The following JPH2 variants were observed in gnomAD, a reference collection of about 807,000 sequenced individuals.
The protein encoded by JPH2 is junctophilin 2.
Under a neutral mutation model 55.9 loss-of-function variants are expected in JPH2, and 38 were observed. The observed-to-expected ratio is 0.68, with a 90% CI of 0.52 to 0.89. JPH2 has a LOEUF of 0.89. Ranked by LOEUF, JPH2 falls within the 40% of genes least tolerant of loss-of-function variation. The probability of loss-of-function intolerance (pLI) is 0.00; values close to 1 mark genes in which losing one functional copy is unlikely to be tolerated. For synonymous variants in JPH2, 480 were observed against 472.4 expected, an observed-to-expected ratio of 1.02 and a Z score of -0.21; for missense variants, 964 against 1,037.6, an observed-to-expected ratio of 0.93 and a Z score of 0.97.
intron 2 of JPH2, among the ~76,000 whole-genome samples, chr20:44,130,867 A>AT (rs1198486590): frequency 6.6e-6 from 1 of 152,060 alleles, no homozygotes; most frequent in African/African-American, 2.4e-5. Flanking sequence ...GTACACACCT[A>AT]TTTTTTATCA....
intron 1 of JPH2, among the ~76,000 whole-genome samples, chr20:44,167,559 G>T (rs2072665897): frequency 1.3e-5 from 2 of 152,112 alleles, no homozygotes; most frequent in Admixed American, 1.3e-4. Context: ...GTAAAATGCT[G>T]GTGAAGGCCA....
chr20:44,172,670 G>C (rs1167449912), intron 1 of JPH2, among the ~76,000 whole-genome samples: 1 of 152,020 alleles, frequency 6.6e-6, no homozygotes, highest in Non-Finnish European at 1.5e-5. Flanking sequence ...TTTATTTTTT[G>C]TAGAGATGTG....
intron 2 of JPH2, among the ~76,000 whole-genome samples, chr20:44,127,982 T>C (rs1049102478): frequency 6.6e-6 from 1 of 152,156 alleles, no homozygotes; most frequent in East Asian, 1.9e-4. Flanking sequence ...CTTCTTATTA[T>C]TGAGTTGTAA....
chr20:44,118,740 A>G, intron 2 of JPH2, 117 bp from the exon 3 acceptor site: 1 of 826,246 alleles, frequency 1.2e-6, no homozygotes, highest in Non-Finnish European at 2.1e-6. Context: ...GCAGGCAGTC[A>G]ATGAATATTT....
At chr20:44,184,441 G>A (rs1437148231) in intron 1 of JPH2, among the ~76,000 whole-genome samples, 1 of 152,146 alleles carries the variant, frequency 6.6e-6, no homozygotes, top group Admixed American at 6.5e-5. Context: ...ACTTGTGAAA[G>A]CAGTGTTTGG....
At position 44,159,480 on chromosome 20, in the gene JPH2, C is replaced by T; in HGVS notation, c.1169+138G>A. 1 of 863,264 alleles carries T rather than the reference C, an allele frequency of 1.2e-6. No homozygotes were observed. The highest frequency in any genetic ancestry group is 1.6e-5 in the South Asian group (1 of 62,022). 53.5% of individuals were successfully genotyped at this position (863,264 alleles called of 1,614,324 possible). ...ACAGGAGCCACCAGCTCCCGAAGAG[C>T]CTCCAATTAACCCCTGAAGGTGATG... On this transcript the variant is annotated intron_variant, in intron 2 of 5. Coordinates refer to ENST00000372980, the MANE Select transcript of JPH2 (RefSeq NM_020433.5). This position sits in a 1 kb window ranked among gnomAD's most constrained non-coding sequence, Gnocchi z 5.7.
In JPH2 at chr20:44,126,811, C is replaced by T. The variant is rs58823113; in HGVS notation, c.1170-8188G>A. 1.4e-3 allele frequency among the ~76,000 whole-genome samples: 210 copies of T among 152,324 alleles called. 1 individual carries two copies. Among genetic ancestry groups the T allele is most frequent in the African/African-American group, 5.0e-3 (206 of 41,568 alleles). The stretch of plus-strand genomic sequence containing the variant: ...CAGGCAGTGCCCTCCTGGGAAGCCC[C>T]TCACAAGACAGGTTAAGGGCACAAA... On this transcript the variant is annotated intron_variant, in intron 2 of 5. Transcript: ENST00000372980.
intron 1 of JPH2, chr20:44,177,491 G>A (rs985927461): frequency 4.1e-5 from 42 of 1,020,762 alleles, no homozygotes; most frequent in Non-Finnish European, 4.7e-5. Context: ...GGACAGGAAA[G>A]ACTAATACGG....
intron 2 of JPH2, among the ~76,000 whole-genome samples, chr20:44,145,603 CAAA>C (rs200580349): frequency 1.7e-5 from 2 of 118,004 alleles, no homozygotes; most frequent in African/African-American, 3.1e-5. Context: ...AACTCGATCT[CAAA>C]AAAAAAAAAA....
rs117992343 is a variant in JPH2, at chr20:44,162,083, C to T, written c.380-1676G>A. On this transcript the variant is annotated intron_variant, in intron 1 of 5. Coordinates refer to ENST00000372980, the MANE Select transcript of JPH2 (RefSeq NM_020433.5). ...GTCTTTGTACCTCCACCATGTAGAA[C>T]GGTACCTGATACATAACGTTCACTG... is the stretch of plus-strand genomic sequence containing the variant. 3.2e-4 allele frequency among the ~76,000 whole-genome samples: 49 copies of T among 152,312 alleles called. 1 individual carries two copies. The East Asian group carries it at 5.2e-3, about 16-fold the overall frequency.
chr20:44,117,840 C>A (rs2072205713), intron 3 of JPH2, among the ~76,000 whole-genome samples: 1 of 152,220 alleles, frequency 6.6e-6, no homozygotes, highest in African/African-American at 2.4e-5. Context: ...AATCATGAAA[C>A]AACAGCCACA....
chr20:44,176,628 C>G (rs142892776), intron 1 of JPH2, among the ~76,000 whole-genome samples: 2,404 of 151,804 alleles, frequency 0.016, 78 homozygotes, highest in African/African-American at 0.056. Flanking sequence ...ATGGAGAAAC[C>G]CCGTCTCTAC....
At position 44,109,150 on chromosome 20, in the gene JPH2, G is replaced by T. The variant is rs1446409726; in HGVS notation, c.*4368C>A. Among the ~76,000 whole-genome samples, 1 of 152,180 alleles carries T rather than the reference G, an allele frequency of 6.6e-6. No individual in the cohort carries two copies. The highest frequency in any genetic ancestry group is 1.5e-5 in the Non-Finnish European group (1 of 68,040). Reference sequence around the variant, plus strand: ...GGGAGCAGTGTGGTTCTGTAAAAGAGCACAGCTCTGGGTTTCAGTCCCAGC... The same window carrying T: ...GGGAGCAGTGTGGTTCTGTAAAAGATCACAGCTCTGGGTTTCAGTCCCAGC... On this transcript the variant is annotated 3_prime_UTR_variant, in exon 6 of 6. Coordinates refer to ENST00000372980, the MANE Select transcript of JPH2 (RefSeq NM_020433.5).
intron 2 of JPH2, among the ~76,000 whole-genome samples, chr20:44,130,981 C>T (rs2072313933): frequency 6.6e-6 from 1 of 152,160 alleles, no homozygotes; most frequent in African/African-American, 2.4e-5. Flanking sequence ...TACTAGCTTT[C>T]ACCTAGACAA....
At chr20:44,115,505 G>GCTCC (rs905093466) in intron 4 of JPH2, among the ~76,000 whole-genome samples, 160 bp downstream of exon 4, 4 of 152,194 alleles carry the variant, frequency 2.6e-5, no homozygotes, top group African/African-American at 9.7e-5. Context: ...CCAAGGCTAT[G>GCTCC]CTCCCCTAAT....
chr20:44,123,554 C>G (rs967249161), intron 2 of JPH2, among the ~76,000 whole-genome samples: 1 of 152,226 alleles, frequency 6.6e-6, no homozygotes, highest in African/African-American at 2.4e-5. Flanking sequence ...TCTCCAGACC[C>G]TTGCCCAAGG....
At chr20:44,177,124 TTA>T (rs1342589642) in intron 1 of JPH2, 26 of 985,572 alleles carry the variant, frequency 2.6e-5, no homozygotes, top group Non-Finnish European at 3.1e-5. Context: ...GGAGTGAAAG[TTA>T]CACGGGAGGG....
chr20:44,167,923 G>T (rs2145886244), intron 1 of JPH2, among the ~76,000 whole-genome samples: 1 of 152,258 alleles, frequency 6.6e-6, no homozygotes, highest in East Asian at 1.9e-4. Flanking sequence ...TCAGAGTCTT[G>T]TGCCAGGGAT....
At chr20:44,126,183 G>A (rs1396652809) in intron 2 of JPH2, among the ~76,000 whole-genome samples, 1 of 113,802 alleles carries the variant, frequency 8.8e-6, no homozygotes, top group Admixed American at 9.3e-5. Context: ...AGGAAGGAAG[G>A]AAGGAAGGGA....
Sources: allele counts gnomAD v4.1 joint callset (sites outside exome capture counted in the v4.1 genomes callset), GRCh38; gene constraint gnomAD v4.1.1; non-coding constraint Gnocchi (gnomAD v3.1); transcripts MANE v1.5; gene names NCBI Gene and HGNC (gene_info 2026-07-23, HGNC 2026-07-21).